FRMD6: variants seen among roughly 807,000 people sequenced by gnomAD.
FRMD6 encodes FERM domain containing 6, also known as FERM domain-containing protein 6.
FRMD6 carries 37 observed loss-of-function variants against 73.2 expected under a neutral mutation model. The observed-to-expected ratio is 0.51, with a 90% CI of 0.39 to 0.66. FRMD6 has a LOEUF of 0.66. Ranked by LOEUF, FRMD6 falls within the 30% of genes least tolerant of loss-of-function variation. The probability of loss-of-function intolerance (pLI) is 0.00; values close to 1 mark genes in which losing one functional copy is unlikely to be tolerated. For synonymous variants in FRMD6, 273 were observed against 282.2 expected, an observed-to-expected ratio of 0.97 and a Z score of 0.33; for missense variants, 714 against 780.5, an observed-to-expected ratio of 0.91 and a Z score of 1.02.
In FRMD6 at chr14:51,715,349, G is replaced by T; in HGVS notation, c.874G>T (p.Asp292Tyr). The T allele has an allele frequency of 6.4e-7, 1 of 1,573,700 alleles. No homozygotes were observed. The highest frequency in any genetic ancestry group is 8.6e-7 in the Non-Finnish European group (1 of 1,157,966). ...FVGKKFEILP[D>Y]GLPSARKLIY... Reference sequence around the variant, plus strand: ...GGGTAAGAAATTTGAGATTTTGCCAGATGGCTTGCCTTCTGCCCGGAAGCT... The same window carrying T: ...GGGTAAGAAATTTGAGATTTTGCCATATGGCTTGCCTTCTGCCCGGAAGCT... The change falls in exon 10 of 14, where the codon GAT becomes TAT. Residue 292 changes from aspartate to tyrosine, a missense_variant. Coordinates refer to ENST00000344768, the MANE Select transcript of FRMD6 (RefSeq NM_001267046.2).
chr14:51,529,200 G>T (rs1339784374), intron 1 of FRMD6, among the ~76,000 whole-genome samples: 4 of 152,220 alleles, frequency 2.6e-5, no homozygotes, highest in Non-Finnish European at 5.9e-5. Context: ...ATATATTATG[G>T]TGCTAGACTT....
intron 2 of FRMD6, among the ~76,000 whole-genome samples, chr14:51,593,897 C>T (rs1218399853): frequency 6.6e-6 from 1 of 151,948 alleles, no homozygotes; most frequent in Non-Finnish European, 1.5e-5. Context: ...ACCACACCCC[C>T]AACTCTACAA....
the FRMD6 span, among the ~76,000 whole-genome samples, chr14:51,448,985 AG>A: frequency 1.3e-5 from 2 of 152,208 alleles, no homozygotes; most frequent in Non-Finnish European, 2.9e-5. Context: ...AAATGGGACA[AG>A]GGTAGGCAAA....
chr14:51,645,903 T>C (rs1892043882), intron 2 of FRMD6, among the ~76,000 whole-genome samples: 1 of 152,126 alleles, frequency 6.6e-6, no homozygotes, highest in Non-Finnish European at 1.5e-5. Flanking sequence ...AGTGGAACTT[T>C]TGTTGGTATT....
At chr14:51,657,671 A>G (rs1892932389) in intron 1 of FRMD6, among the ~76,000 whole-genome samples, 1 of 152,190 alleles carries the variant, frequency 6.6e-6, no homozygotes, top group Non-Finnish European at 1.5e-5. Context: ...AATGTTGAGC[A>G]CTTTGGGGTT....
At chr14:51,642,372 T>G (rs1891852165) in intron 2 of FRMD6, among the ~76,000 whole-genome samples, 2 of 152,238 alleles carry the variant, frequency 1.3e-5, no homozygotes, top group South Asian at 4.1e-4. Flanking sequence ...AAACCCTGTC[T>G]CTACTAATAA....
chr14:51,497,266 T>A (rs1883358188), intron 1 of FRMD6, among the ~76,000 whole-genome samples: 1 of 151,636 alleles, frequency 6.6e-6, no homozygotes, highest in Non-Finnish European at 1.5e-5. Flanking sequence ...AAACAACCTA[T>A]GTTTTCAGCC....
chr14:51,556,485 A>G (rs1887139898), intron 1 of FRMD6, among the ~76,000 whole-genome samples: 1 of 152,162 alleles, frequency 6.6e-6, no homozygotes, highest in South Asian at 2.1e-4. Context: ...CTCTGTGGTG[A>G]CATTTACTTA....
At chr14:51,636,465 T>C (rs1441944183) in intron 2 of FRMD6, among the ~76,000 whole-genome samples, 1 of 152,136 alleles carries the variant, frequency 6.6e-6, no homozygotes, top group Non-Finnish European at 1.5e-5. Flanking sequence ...TGCCAATAAC[T>C]AAATTGCGCT....
intron 1 of FRMD6, among the ~76,000 whole-genome samples, chr14:51,510,908 C>T (rs1169212350): frequency 6.6e-6 from 1 of 152,062 alleles, no homozygotes; most frequent in African/African-American, 2.4e-5. Context: ...GGATGCATGC[C>T]CTGCTCTGTC....
At chr14:51,678,865 A>G (rs1894583973) in intron 1 of FRMD6, among the ~76,000 whole-genome samples, 1 of 152,022 alleles carries the variant, frequency 6.6e-6, no homozygotes, top group African/African-American at 2.4e-5. Flanking sequence ...ATAATATGCA[A>G]GGGATAATAT....
In FRMD6 at chr14:51,501,314, C is replaced by T. The variant is rs1020547731; in HGVS notation, c.-210+11894C>T. ...GTTTGCTGCACAGATCATCCCGTCA[C>T]CTAGGTATTAAGCCCAGCATCCATA... On this transcript the variant is annotated intron_variant, in intron 1 of 14. Coordinates refer to the FRMD6 transcript ENST00000356218. Among the ~76,000 whole-genome samples, 3 of 152,244 alleles carry T rather than the reference C, an allele frequency of 2.0e-5. No homozygotes were observed. The East Asian group carries it at 5.8e-4, about 29-fold the overall frequency.
At chr14:51,672,076 A>G (rs1286220589) in intron 1 of FRMD6, among the ~76,000 whole-genome samples, 2 of 152,248 alleles carry the variant, frequency 1.3e-5, no homozygotes, top group African/African-American at 4.8e-5. Context: ...TTGTAACAAG[A>G]GATGAAACAT....
intron 1 of FRMD6, among the ~76,000 whole-genome samples, chr14:51,504,265 G>C (rs1037260920): frequency 2.0e-5 from 3 of 152,196 alleles, no homozygotes; most frequent in African/African-American, 7.2e-5. Flanking sequence ...ACCAGTGAAG[G>C]CTGTGAAACA....
At chr14:51,639,069 T>A (rs550847378) in intron 2 of FRMD6, among the ~76,000 whole-genome samples, 175 of 152,146 alleles carry the variant, frequency 1.2e-3, no homozygotes, top group Middle Eastern at 0.01. Flanking sequence ...TTTTTTTTTT[T>A]ATTAAAACTA....
At position 51,599,145 on chromosome 14, in the gene FRMD6, C is replaced by T. The variant is rs575546601; in HGVS notation, c.-147+28735C>T. On this transcript the variant is annotated intron_variant, in intron 2 of 14. Coordinates refer to the FRMD6 transcript ENST00000356218. ...TTCATTGTGGTTTTGCTTTGCATTT[C>T]TCTGATTATTATGATGTTGAGCATT... Among the ~76,000 whole-genome samples the T allele has an allele frequency of 2.3e-5, 3 of 129,530 alleles. No homozygotes were observed. In the South Asian group the frequency reaches 7.7e-4, roughly 33 times the overall value. 85.0% of individuals were successfully genotyped at this position (129,530 alleles called of 152,430 possible).
intron 2 of FRMD6, among the ~76,000 whole-genome samples, chr14:51,618,651 A>G (rs1890802666): frequency 6.6e-6 from 1 of 152,174 alleles, no homozygotes; most frequent in Non-Finnish European, 1.5e-5. Context: ...AGAGGTATCA[A>G]GAATGACTCC....
At chr14:51,481,428 C>G in the FRMD6 span, among the ~76,000 whole-genome samples, 1 of 152,144 alleles carries the variant, frequency 6.6e-6, no homozygotes, top group African/African-American at 2.4e-5. Context: ...TTCACTACCA[C>G]GAGAACAGTA....
At chr14:51,504,601 C>A (rs1435839699) in intron 1 of FRMD6, among the ~76,000 whole-genome samples, 14 of 152,300 alleles carry the variant, frequency 9.2e-5, no homozygotes, top group African/African-American at 2.2e-4. Context: ...TTTCTTTTAA[C>A]CCTGTCTACT....
Sources: gnomAD v4.1 joint callset for allele counts (sites outside exome capture counted in the v4.1 genomes callset) on GRCh38, gnomAD v4.1.1 for gene constraint, MANE v1.5 for transcripts, NCBI Gene and HGNC (gene_info 2026-07-23, HGNC 2026-07-21) for gene names.